SERPINB11: variants seen among roughly 807,000 people sequenced by gnomAD.
SERPINB11 encodes the protein serpin B11.
A neutral mutation model predicts 36.7 loss-of-function variants in SERPINB11; 32 were observed. The observed-to-expected ratio is 0.87, with a 90% CI of 0.66 to 1.17. The LOEUF is 1.17. SERPINB11 is among the 50% of genes most tolerant of loss of function. SERPINB11 has a pLI of 0.00. For synonymous variants in SERPINB11, 174 were observed against 168.1 expected (o/e 1.04, Z -0.27); for missense variants, 528 against 458.4 (o/e 1.15, Z -1.39).
chr18:63,717,421 A>G (rs1914697010), intron 5 of SERPINB11, among the ~76,000 whole-genome samples: 2 of 152,018 alleles, frequency 1.3e-5, no homozygotes. Context: ...CATAAGGCAT[A>G]TATACATTCA....
intron 4 of SERPINB11, among the ~76,000 whole-genome samples, chr18:63,713,744 T>G (rs548279986): frequency 6.6e-6 from 1 of 152,318 alleles, no homozygotes; most frequent in African/African-American, 2.4e-5. Flanking sequence ...TGAGCTGGTA[T>G]GCCCGCTCTC....
In SERPINB11 at chr18:63,720,509, G is replaced by A. The variant is rs569124120; in HGVS notation, c.619-322G>A. ...TTTTCTAGAGAGTTTCTTGAGGAAA[G>A]ATTAAAAAGAAAATGATTTAATGAT... On this transcript the variant is annotated intron_variant, in intron 6 of 7. Transcript: ENST00000544088. 16 of 335,722 alleles carry A rather than the reference G, an allele frequency of 4.8e-5. No individual in the cohort carries two copies. The South Asian group carries it at 8.8e-4, about 19-fold the overall frequency. The allele number at this position is 335,722 out of a possible 1,614,324, so 20.8% of individuals were successfully genotyped here. A position where few individuals can be genotyped will look rare whatever the true frequency, so the allele number is the denominator to read the frequency against.
upstream of SERPINB11, among the ~76,000 whole-genome samples, chr18:63,702,668 A>T (rs1914269069): frequency 6.6e-6 from 1 of 152,032 alleles, no homozygotes; most frequent in African/African-American, 2.4e-5. Context: ...TACAAATTTT[A>T]TTTTTATTTT....
intron 7 of SERPINB11, among the ~76,000 whole-genome samples, chr18:63,722,652 C>T (rs1406338045): frequency 2.6e-5 from 4 of 152,028 alleles, no homozygotes; most frequent in Non-Finnish European, 4.4e-5. Flanking sequence ...ATATGAGAAC[C>T]CAGAAGAAAT....
intron 1 of SERPINB11, among the ~76,000 whole-genome samples, chr18:63,706,193 A>G (rs181990741): frequency 5.0e-4 from 76 of 152,344 alleles, no homozygotes; most frequent in Non-Finnish European, 8.8e-4. Flanking sequence ...TTTTAGGGCA[A>G]CTGGTTTTGA....
In SERPINB11 at chr18:63,723,344, T is replaced by G. The variant is rs767858302; in HGVS notation, c.1124T>G (p.Ile375Arg). ...FKANHPFLFF[I>R]RHTHTNTILF... ...GCGAACCACCCCTTCCTTTTCTTTA[T>G]AAGGCACACTCATACCAACACGATC... The change falls in exon 8 of 8, where the codon ATA becomes AGA. Residue 375 changes from isoleucine to arginine, a missense_variant. Coordinates refer to ENST00000544088, the MANE Select transcript of SERPINB11 (RefSeq NM_001370475.1). The G allele has an allele frequency of 4.3e-6, 7 of 1,613,832 alleles. No individual in the cohort carries two copies. Among genetic ancestry groups the G allele is most frequent in the Non-Finnish European group, 5.9e-6 (7 of 1,179,794 alleles).
chr18:63,713,296 A>G (rs1914576551), intron 4 of SERPINB11, among the ~76,000 whole-genome samples: 1 of 152,212 alleles, frequency 6.6e-6, no homozygotes, highest in African/African-American at 2.4e-5. Flanking sequence ...ACACTGTGCT[A>G]AGATATTGGT....
intron 1 of SERPINB11, 88 bp from the exon 2 acceptor site, chr18:63,710,091 T>G: frequency 9.0e-7 from 1 of 1,107,786 alleles, no homozygotes; most frequent in South Asian, 1.8e-5. Context: ...GCCCTGATAC[T>G]TAAACTCATG....
intron 5 of SERPINB11, among the ~76,000 whole-genome samples, chr18:63,719,467 A>G (rs1055322372): frequency 3.3e-5 from 5 of 152,222 alleles, no homozygotes; most frequent in Admixed American, 3.3e-4. Flanking sequence ...AGAGGGCTGG[A>G]TGTTTAATTT....
chr18:63,720,315 A>T (rs535303668), intron 6 of SERPINB11, 160 bp downstream of exon 6: 1 of 676,564 alleles, frequency 1.5e-6, no homozygotes, highest in African/African-American at 1.9e-5. Context: ...TCCTTTATTA[A>T]GTGACAATAA....
intron 5 of SERPINB11, among the ~76,000 whole-genome samples, chr18:63,717,000 T>C (rs117973908): frequency 0.022 from 3,338 of 152,234 alleles, 49 homozygotes; most frequent in Middle Eastern, 0.034. Context: ...AAGACATTAG[T>C]TGTTAGAAAG....
chr18:63,711,746 T>C (rs576611329), intron 3 of SERPINB11, among the ~76,000 whole-genome samples: 1 of 152,304 alleles, frequency 6.6e-6, no homozygotes, highest in Admixed American at 6.5e-5. Flanking sequence ...ATGCTTGGCA[T>C]ATAATTATGT....
In SERPINB11 at chr18:63,716,034, G is replaced by T; in HGVS notation, c.358-1G>T. The T allele has an allele frequency of 2.5e-6, 4 of 1,586,390 alleles. No individual in the cohort carries two copies. The highest frequency in any genetic ancestry group is 3.5e-6 in the Non-Finnish European group (4 of 1,157,938). ...TTGTTCAATTATCATGTCTTTCATA[G>T]CAATATTTAAGCTGTTCTGAGAAAT... On this transcript the variant is annotated splice_acceptor_variant, in intron 4 of 7. Transcript: ENST00000544088. LOFTEE classifies it high-confidence loss of function.
chr18:63,723,512 G>C lies in SERPINB11; in HGVS notation c.*113G>C. ...CTCACACACCTCTGTGCCTCAGTTT[G>C]CTCATCTGCAAAATAGGTCTAGGAT... On this transcript the variant is annotated 3_prime_UTR_variant, in exon 8 of 8. Transcript: ENST00000544088. 1.1e-6 allele frequency: 1 copy of C among 942,652 alleles called. No homozygotes were observed. Among genetic ancestry groups the C allele is most frequent in the Non-Finnish European group, 1.6e-6 (1 of 629,738 alleles). 58.4% of individuals were successfully genotyped at this position (942,652 alleles called of 1,614,324 possible).
chr18:63,720,498 T>C (rs1598968189), intron 6 of SERPINB11: 1 of 331,774 alleles, frequency 3.0e-6, no homozygotes, highest in East Asian at 6.8e-5. Context: ...CTAGAGAGTT[T>C]CTTGAGGAAA....
intron 1 of SERPINB11, among the ~76,000 whole-genome samples, chr18:63,703,695 G>T (rs1914297436): frequency 6.6e-6 from 1 of 152,178 alleles, no homozygotes; most frequent in Admixed American, 6.5e-5. Context: ...TGTACACAGG[G>T]TATGGTACAT....
At chr18:63,712,135 T>A (rs1914541741) in intron 3 of SERPINB11, among the ~76,000 whole-genome samples, 1 of 151,956 alleles carries the variant, frequency 6.6e-6, no homozygotes, top group East Asian at 1.9e-4. Flanking sequence ...TGAAGTCAGT[T>A]CAGTGAAGGG....
chr18:63,723,156 G>C lies in SERPINB11; in HGVS notation c.936G>C (p.Gln312His). The C allele has an allele frequency of 6.2e-7, 1 of 1,611,968 alleles. No individual in the cohort carries two copies. The highest frequency in any genetic ancestry group is 2.2e-5 in the East Asian group (1 of 44,798). ...TAGGGGTGACAGATCTCTTCAACCA[G>C]GTCAAAGCTGATCTTTCTGGAATGT... ...KSLGVTDLFNQVKADLSGMSP... is the reference protein window; with the variant it reads ...KSLGVTDLFNHVKADLSGMSP... Residue 312 changes from glutamine (Q) to histidine (H), a missense_variant, in exon 8 of 8, where the codon CAG becomes CAC. Transcript: ENST00000544088.
At chr18:63,719,933 C>G in intron 5 of SERPINB11, 80 bp from the exon 6 acceptor site, 1 of 1,145,908 alleles carries the variant, frequency 8.7e-7, no homozygotes, top group African/African-American at 1.6e-5. Context: ...AAAGAAATGG[C>G]TCTAAATTTC....
Sources: gnomAD v4.1 joint callset for allele counts (sites outside exome capture counted in the v4.1 genomes callset) on GRCh38, gnomAD v4.1.1 for gene constraint, MANE v1.5 for transcripts, NCBI Gene and HGNC (gene_info 2026-07-23, HGNC 2026-07-21) for gene names.